The following KCNJ2 variants were observed in gnomAD, a reference collection of about 807,000 sequenced individuals.
KCNJ2 encodes the protein potassium inwardly rectifying channel subfamily J member 2, also known as inward rectifier potassium channel 2.
In KCNJ2, 12 loss-of-function variants were observed where a neutral mutation model predicts 28.4. That is an observed-to-expected ratio of 0.42 (90% CI 0.27 to 0.68). KCNJ2 has a LOEUF of 0.68. KCNJ2 is among the 30% of genes least tolerant of loss of function. KCNJ2 has a pLI of 0.23. For missense variants in KCNJ2, 320 were observed against 551.3 expected (o/e 0.58, Z 4.20); for synonymous variants, 200 against 203.2 (o/e 0.98, Z 0.13).
intron 1 of KCNJ2, among the ~76,000 whole-genome samples, chr17:70,172,310 GCC>G (rs2074368927): frequency 4.4e-5 from 1 of 22,734 alleles, no homozygotes; most frequent in Non-Finnish European, 7.3e-5. Flanking sequence ...TTTTCTTTTT[GCC>G]AAAAAAAAAA....
In KCNJ2 at chr17:70,174,936, G is replaced by A; in HGVS notation, c.-104G>A. 9.1e-7 allele frequency: 1 copy of A among 1,097,330 alleles called. No individual in the cohort carries two copies. Among genetic ancestry groups the A allele is most frequent in the Non-Finnish European group, 1.4e-6 (1 of 738,164 alleles). 68.0% of individuals were successfully genotyped at this position (1,097,330 alleles called of 1,614,324 possible). ...ACACCCATCTCTCCTCATTTTTTTG[G>A]TGTGTGTGTCTTCACCGAACATTCA... On this transcript the variant is annotated 5_prime_UTR_variant, in exon 2 of 2. It adds an upstream start codon to the 5' untranslated region. Coordinates refer to ENST00000243457, the MANE Select transcript of KCNJ2 (RefSeq NM_000891.3).
Position 70,177,981 on chromosome 17 carries a change from T to C in KCNJ2, c.*1658T>C, listed in dbSNP as rs1183926031. The C allele has an allele frequency of 6.2e-6, 1 of 161,870 alleles. No homozygotes were observed. Among genetic ancestry groups the C allele is most frequent in the African/African-American group, 2.5e-5 (1 of 39,266 alleles). The allele number at this position is 161,870 out of a possible 1,614,324, so 10.0% of individuals were successfully genotyped here. On this transcript the variant is annotated 3_prime_UTR_variant, in exon 2 of 2. Transcript: ENST00000243457. ...TCCCCTGCCTGGCTGACTGCCTTGC[T>C]AGAAACATAATTTTTTTTTTCTCAC...
rs773847828 is a variant in KCNJ2, at chr17:70,176,224, A to G, written c.1185A>G (p.Pro395=). The G allele has an allele frequency of 6.2e-7, 1 of 1,614,162 alleles. No homozygotes were observed. Among genetic ancestry groups the G allele is most frequent in the South Asian group, 1.1e-5 (1 of 91,084 alleles). The part of the protein sequence containing the change: ...KEEDDSENGV[P]ESTSTDTPPD... The stretch of plus-strand genomic sequence containing the variant: ...AAGACGACAGTGAAAATGGAGTTCC[A>G]GAAAGCACTAGTACGGACACGCCCC... Residue 395 remains proline, a synonymous_variant, in exon 2 of 2, where the codon CCA becomes CCG. Coordinates refer to ENST00000243457, the MANE Select transcript of KCNJ2 (RefSeq NM_000891.3).
In KCNJ2 at chr17:70,176,151, C is replaced by A. The variant is rs780233256; in HGVS notation, c.1112C>A (p.Ala371Glu). 1.3e-5 allele frequency: 21 copies of A among 1,613,962 alleles called. No homozygotes were observed. The highest frequency in any genetic ancestry group is 1.8e-5 in the Non-Finnish European group (21 of 1,180,012). The change falls in exon 2 of 2, where the codon GCA (alanine) becomes GAA (glutamate). Residue 371 changes from alanine (A) to glutamate (E), a missense_variant. Physicochemically the swap from Ala to Glu is moderately radical, Grantham distance 107 (BLOSUM62 -1). Around this residue, in one of 3 missense-constraint regions of KCNJ2, gnomAD observed 155 missense variants for 231.6 expected, o/e 0.67. Transcript: ENST00000243457. ...LAEKKYILSN[A>E]NSFCYENEVA... ...GAAAAGAAATATATCCTCTCAAATG[C>A]AAATTCATTTTGCTATGAAAATGAA...
chr17:70,175,745 A>C lies in KCNJ2; in HGVS notation c.706A>C (p.Ile236Leu). 6.2e-7 allele frequency: 1 copy of C among 1,614,194 alleles called. No individual in the cohort carries two copies. Among genetic ancestry groups the C allele is most frequent in the Non-Finnish European group, 8.5e-7 (1 of 1,180,030 alleles). The change falls in exon 2 of 2, where the codon ATT becomes CTT. Residue 236 changes from isoleucine (I) to leucine (L), a missense_variant. Ile to Leu is a conservative substitution (Grantham distance 5, BLOSUM62 2). Around this residue, in one of 3 missense-constraint regions of KCNJ2, gnomAD observed 111 missense variants for 256.7 expected, o/e 0.43. Transcript: ENST00000243457. The surrounding 1 kb of genome is among the most constrained non-coding windows in gnomAD (Gnocchi z 8.3). ...HVRAQLLKSR[I>L]TSEGEYIPLD... ...TCGAGCACAGCTCCTCAAATCCAGAATTACTTCTGAAGGGGAGTATATCCC... is the reference window on the plus strand; with the variant it reads ...TCGAGCACAGCTCCTCAAATCCAGACTTACTTCTGAAGGGGAGTATATCCC...
In KCNJ2 at chr17:70,177,592, T is replaced by C. The variant is rs1209270012; in HGVS notation, c.*1269T>C. ...AAGATGCCACACCTGGCCTCCACACTTGCTCTTCTGATCAGTCTGTCTGGA... is the reference window on the plus strand; with the variant it reads ...AAGATGCCACACCTGGCCTCCACACCTGCTCTTCTGATCAGTCTGTCTGGA... On this transcript the variant is annotated 3_prime_UTR_variant, in exon 2 of 2. Transcript: ENST00000243457. 2 of 167,188 alleles carry C rather than the reference T, an allele frequency of 1.2e-5. No homozygotes were observed. The highest frequency in any genetic ancestry group is 6.5e-5 in the Admixed American group (1 of 15,276). The allele number at this position is 167,188 out of a possible 1,614,324, so 10.4% of individuals were successfully genotyped here.
Position 70,175,693 on chromosome 17 carries a change from G to A in KCNJ2, c.654G>A (p.Arg218=), listed in dbSNP as rs1422171866. 1 of 1,614,228 alleles carries A rather than the reference G, an allele frequency of 6.2e-7. No individual in the cohort carries two copies. The highest frequency in any genetic ancestry group is 1.1e-5 in the South Asian group (1 of 91,086). The stretch of plus-strand genomic sequence containing the variant: ...TGATGTGGCGAGTGGGCAATCTTCG[G>A]AAAAGCCACTTGGTGGAAGCTCATG... ...LCLMWRVGNL[R]KSHLVEAHVR... is the part of the protein sequence containing the mutation. Residue 218 remains arginine, a synonymous_variant, in exon 2 of 2, where the codon CGG becomes CGA. Transcript: ENST00000243457. The surrounding 1 kb of genome is among the most constrained non-coding windows in gnomAD (Gnocchi z 8.3).
chr17:70,175,991 A>T lies in KCNJ2; in HGVS notation c.952A>T (p.Asn318Tyr), dbSNP rs2074390395. 3.7e-6 allele frequency: 6 copies of T among 1,613,868 alleles called. No homozygotes were observed. Among genetic ancestry groups the T allele is most frequent in the Non-Finnish European group, 4.2e-6 (5 of 1,180,014 alleles). Residue 318 changes from asparagine (N) to tyrosine (Y), a missense_variant, in exon 2 of 2, where the codon AAT (asparagine) becomes TAT (tyrosine). Coordinates refer to ENST00000243457, the MANE Select transcript of KCNJ2 (RefSeq NM_000891.3). This position sits in a 1 kb window ranked among gnomAD's most constrained non-coding sequence, Gnocchi z 8.3. ...TTQCRSSYLA[N>Y]EILWGHRYEP... ...ACAGTGCCGTAGCTCTTATCTAGCA[A>T]ATGAAATCCTGTGGGGCCACCGCTA... is the stretch of plus-strand genomic sequence containing the variant.
At chr17:70,174,268 G>A (rs759580842) in intron 1 of KCNJ2, among the ~76,000 whole-genome samples, 34 of 152,196 alleles carry the variant, frequency 2.2e-4, no homozygotes, top group Admixed American at 9.2e-4. Flanking sequence ...CAGCCTATCC[G>A]GTCTGCTCAG....
At chr17:70,170,714 G>C (rs890764739) in intron 1 of KCNJ2, among the ~76,000 whole-genome samples, 1 of 152,186 alleles carries the variant, frequency 6.6e-6, no homozygotes, top group Non-Finnish European at 1.5e-5. Flanking sequence ...TGTGTCTGCT[G>C]TACATTATCT....
intron 1 of KCNJ2, among the ~76,000 whole-genome samples, chr17:70,170,500 G>A (rs1002590495): frequency 2.6e-5 from 4 of 152,112 alleles, no homozygotes; most frequent in Non-Finnish European, 5.9e-5. Flanking sequence ...TCTGTGTCTG[G>A]GTAAGGATAT....
At chr17:70,173,498 A>C (rs1164621288) in intron 1 of KCNJ2, among the ~76,000 whole-genome samples, 1 of 152,186 alleles carries the variant, frequency 6.6e-6, no homozygotes, top group Non-Finnish European at 1.5e-5. Context: ...GTTATTACAC[A>C]TTTGGTAAAG....
Position 70,179,353 on chromosome 17 carries a change from A to G in KCNJ2, c.*3030A>G, listed in dbSNP as rs558367792. On this transcript the variant is annotated 3_prime_UTR_variant, in exon 2 of 2. Coordinates refer to ENST00000243457, the MANE Select transcript of KCNJ2 (RefSeq NM_000891.3). The stretch of plus-strand genomic sequence containing the variant: ...TTTTGCCCATATCTGGAAGGGCACT[A>G]TATTTTTGGGAGGAGCCATAGATTC... 10 of 166,934 alleles carry G rather than the reference A, an allele frequency of 6.0e-5. No individual in the cohort carries two copies. The highest frequency in any genetic ancestry group is 2.4e-4 in the African/African-American group (10 of 41,508). 10.3% of individuals were successfully genotyped at this position (166,934 alleles called of 1,614,324 possible).
chr17:70,170,881 C>T (rs1004887028), intron 1 of KCNJ2, among the ~76,000 whole-genome samples: 1 of 152,124 alleles, frequency 6.6e-6, no homozygotes, highest in Non-Finnish European at 1.5e-5. Context: ...TTAGCTTCCT[C>T]CTCTCTCATA....
At chr17:70,173,693 C>T (rs2074376649) in intron 1 of KCNJ2, among the ~76,000 whole-genome samples, 2 of 152,144 alleles carry the variant, frequency 1.3e-5, no homozygotes, top group Non-Finnish European at 2.9e-5. Context: ...TCCATAGGAA[C>T]CTATACCAAA....
intron 1 of KCNJ2, among the ~76,000 whole-genome samples, chr17:70,172,116 G>T (rs1249683161): frequency 6.6e-6 from 1 of 151,818 alleles, no homozygotes; most frequent in African/African-American, 2.4e-5. Context: ...AGGCATGTGG[G>T]CAGGTTAACA....
rs147526418 is a variant in KCNJ2 at position 70,169,731 on chromosome 17, G to T, written c.-217+30G>T. 2.6e-4 allele frequency: 40 copies of T among 153,510 alleles called. 2 individuals are homozygous for T. The East Asian group carries it at 6.1e-3, about 24-fold the overall frequency. 9.5% of individuals were successfully genotyped at this position (153,510 alleles called of 1,614,324 possible). ...GGGCTGCTGTGTTTTCTTCCTTTTCGCTCGCTGCCGGTGTGTCCTGGGGAA... is the reference window on the plus strand; with the variant it reads ...GGGCTGCTGTGTTTTCTTCCTTTTCTCTCGCTGCCGGTGTGTCCTGGGGAA... On this transcript the variant is annotated intron_variant, in intron 1 of 1. Transcript: ENST00000243457.
intron 1 of KCNJ2, among the ~76,000 whole-genome samples, chr17:70,172,904 C>G (rs557701987): frequency 6.6e-6 from 1 of 152,298 alleles, no homozygotes; most frequent in Non-Finnish European, 1.5e-5. Context: ...TGTCCATGTA[C>G]AGGATCTAGA....
rs2074414957 is a variant in KCNJ2 at position 70,179,432 on chromosome 17, A to T, written c.*3109A>T. The T allele has an allele frequency of 6.0e-6, 1 of 167,084 alleles. No homozygotes were observed. The highest frequency in any genetic ancestry group is 6.5e-5 in the Admixed American group (1 of 15,282). 10.4% of individuals were successfully genotyped at this position (167,084 alleles called of 1,614,324 possible). A position where few individuals can be genotyped will look rare whatever the true frequency, so the allele number is the denominator to read the frequency against. Reference sequence around the variant, plus strand: ...AGACAAAGTGAACTCTATTTTGATTATTGAGAAAGGAGTAGTTTTCTATCC... The same window carrying T: ...AGACAAAGTGAACTCTATTTTGATTTTTGAGAAAGGAGTAGTTTTCTATCC... On this transcript the variant is annotated 3_prime_UTR_variant, in exon 2 of 2. Transcript: ENST00000243457.
Sources: allele counts gnomAD v4.1 joint callset (sites outside exome capture counted in the v4.1 genomes callset), GRCh38; gene constraint gnomAD v4.1.1; regional missense constraint gnomAD v4.1.1; non-coding constraint Gnocchi (gnomAD v3.1); transcripts MANE v1.5; gene names NCBI Gene and HGNC (gene_info 2026-07-23, HGNC 2026-07-21).